The following MTMR2 variants were observed in gnomAD, a reference collection of about 807,000 sequenced individuals.
The protein encoded by MTMR2 is phosphatidylinositol-3,5-bisphosphate 3-phosphatase MTMR2.
MTMR2 carries 55 observed loss-of-function variants against 86.9 expected under a neutral mutation model. That is an observed-to-expected ratio of 0.63 (90% confidence interval 0.51 to 0.79). The LOEUF is 0.79. MTMR2 is among the 30% of genes least tolerant of loss of function. MTMR2 has a pLI of 0.00. For missense variants in MTMR2, 659 were observed against 772.3 expected, an observed-to-expected ratio of 0.85 and a Z score of 1.74; for synonymous variants, 241 against 266.8, an observed-to-expected ratio of 0.90 and a Z score of 0.94.
At chr11:95,879,656 T>C (rs1386773472) in intron 2 of MTMR2, among the ~76,000 whole-genome samples, 3 of 152,156 alleles carry the variant, frequency 2.0e-5, no homozygotes, top group Non-Finnish European at 4.4e-5. Flanking sequence ...GAGCTTATTA[T>C]TCACAATGTT....
intron 1 of MTMR2, among the ~76,000 whole-genome samples, chr11:95,899,533 T>A (rs1319323254): frequency 6.6e-6 from 1 of 151,888 alleles, no homozygotes; most frequent in Non-Finnish European, 1.5e-5. Flanking sequence ...ATAAGTGTGA[T>A]ACAACAATGT....
intron 5 of MTMR2, among the ~76,000 whole-genome samples, chr11:95,859,847 C>G (rs1208708099): frequency 6.6e-6 from 1 of 152,166 alleles, no homozygotes; most frequent in African/African-American, 2.4e-5. Context: ...TGATCCAAAA[C>G]TAGAATGCTG....
Position 95,850,752 on chromosome 11 carries a change from A to G in MTMR2, c.655-3T>C, listed in dbSNP as rs778695254. 2.7e-5 allele frequency: 43 copies of G among 1,599,146 alleles called. No homozygotes were observed. Among genetic ancestry groups the G allele is most frequent in the Non-Finnish European group, 3.5e-5 (41 of 1,168,462 alleles). ...CTCCAGCTTTCATTTGGAATTCCCT[A>G]CATGTGAAATGAAACATAAGACAAA... On this transcript the variant is annotated splice_polypyrimidine_tract_variant and splice_region_variant and intron_variant, in intron 7 of 14. Transcript: ENST00000346299.
chr11:95,907,317 G>A (rs1318784862), intron 1 of MTMR2, among the ~76,000 whole-genome samples: 1 of 152,018 alleles, frequency 6.6e-6, no homozygotes. Flanking sequence ...GAACCAGGAA[G>A]AAAGTGAAAA....
intron 1 of MTMR2, among the ~76,000 whole-genome samples, chr11:95,919,049 C>A (rs1249773372): frequency 6.6e-6 from 1 of 152,110 alleles, no homozygotes; most frequent in East Asian, 1.9e-4. Context: ...GTGACCCTGG[C>A]TGGTCTGGAA....
chr11:95,858,481 C>T lies in MTMR2; in HGVS notation c.570+50G>A, dbSNP rs78173667. ...GACAGCCTAGACAAGTTTCTTTATACGACATCAATAATTATAGCACAAATT... is the reference window on the plus strand; with the variant it reads ...GACAGCCTAGACAAGTTTCTTTATATGACATCAATAATTATAGCACAAATT... On this transcript the variant is annotated intron_variant, in intron 6 of 14. Transcript: ENST00000346299. 4.4e-4 allele frequency: 541 copies of T among 1,240,506 alleles called. 7 individuals carry two copies. Among genetic ancestry groups the T allele is most frequent in the South Asian group, 3.6e-3 (305 of 83,620 alleles). 76.8% of individuals were successfully genotyped at this position (1,240,506 alleles called of 1,614,324 possible). A position where few individuals can be genotyped will look rare whatever the true frequency, so the allele number is the denominator to read the frequency against.
intron 2 of MTMR2, chr11:95,887,472 T>C (rs1163019804): frequency 6.6e-6 from 1 of 152,168 alleles, no homozygotes; most frequent in Admixed American, 6.5e-5. Context: ...ACTACACATA[T>C]AATTCATTTT....
Position 95,835,310 on chromosome 11 carries a change from G to C in MTMR2, c.1912C>G (p.Pro638Ala). The C allele has an allele frequency of 6.2e-7, 1 of 1,612,922 alleles. No homozygotes were observed. Among genetic ancestry groups the C allele is most frequent in the Non-Finnish European group, 8.5e-7 (1 of 1,179,228 alleles). ...GTCCTTTATACAACAGTTTGGACAG[G>C]AGTGACACACTGTGCAGGAGAGCTG... ...RASSPAQCVT[P>A]VQTVV The change falls in exon 15 of 15, where the codon CCT becomes GCT. Residue 638 changes from proline (P) to alanine (A), a missense_variant. By Grantham distance (27) the Pro-to-Ala change is conservative. Coordinates refer to ENST00000346299, the MANE Select transcript of MTMR2 (RefSeq NM_016156.6).
Position 95,838,269 on chromosome 11 carries a change from C to T in MTMR2, c.1480-62G>A, listed in dbSNP as rs944138728. 11 of 885,812 alleles carry T rather than the reference C, an allele frequency of 1.2e-5. No homozygotes were observed. In the Admixed American group the frequency reaches 1.9e-4, roughly 15 times the overall value. The allele number at this position is 885,812 out of a possible 1,614,324, so 54.9% of individuals were successfully genotyped here. ...ATTCTTCAAGCATATTCATCCCTGT[C>T]ATGGGTAGATCCTTTTGAGGTAGTA... On this transcript the variant is annotated intron_variant, in intron 12 of 14. Coordinates refer to ENST00000346299, the MANE Select transcript of MTMR2 (RefSeq NM_016156.6).
chr11:95,914,008 T>C (rs1486808864), intron 1 of MTMR2, among the ~76,000 whole-genome samples: 1 of 152,120 alleles, frequency 6.6e-6, no homozygotes, highest in Non-Finnish European at 1.5e-5. Context: ...AGAACATGGA[T>C]GCCAAAAGAA....
chr11:95,836,366 G>A lies in MTMR2; in HGVS notation c.1594-42C>T, dbSNP rs9919542. ...TAGGTAAAGATTCTCCACCACATAAGCCATTTACACTTTAGATGAAATTTG... is the reference window on the plus strand; with the variant it reads ...TAGGTAAAGATTCTCCACCACATAAACCATTTACACTTTAGATGAAATTTG... On this transcript the variant is annotated intron_variant, in intron 13 of 14. Coordinates refer to ENST00000346299, the MANE Select transcript of MTMR2 (RefSeq NM_016156.6). 0.055 allele frequency: 82,978 copies of A among 1,521,880 alleles called. 6,393 individuals are homozygous for A. The highest frequency in any genetic ancestry group is 0.33 in the African/African-American group (24,202 of 73,334). 94.3% of individuals were successfully genotyped at this position (1,521,880 alleles called of 1,614,324 possible).
intron 7 of MTMR2, among the ~76,000 whole-genome samples, chr11:95,853,183 A>T (rs1187801630): frequency 2.6e-5 from 4 of 151,342 alleles, no homozygotes; most frequent in Non-Finnish European, 4.4e-5. Flanking sequence ...AGTACAGTGA[A>T]TTGGCAAGTT....
At chr11:95,915,039 A>G (rs1866647969) in intron 1 of MTMR2, among the ~76,000 whole-genome samples, 1 of 152,210 alleles carries the variant, frequency 6.6e-6, no homozygotes, top group South Asian at 2.1e-4. Flanking sequence ...TAACATTATT[A>G]TTACTATAAC....
At chr11:95,858,941 C>A (rs1864307679) in intron 5 of MTMR2, among the ~76,000 whole-genome samples, 2 of 152,160 alleles carry the variant, frequency 1.3e-5, no homozygotes, top group African/African-American at 4.8e-5. Context: ...GATATTACAT[C>A]TGAAGATTAA....
intron 1 of MTMR2, among the ~76,000 whole-genome samples, chr11:95,898,835 G>A (rs890694400): frequency 6.6e-6 from 1 of 152,096 alleles, no homozygotes; most frequent in African/African-American, 2.4e-5. Flanking sequence ...AGATTCTAAA[G>A]AGGTTCAATA....
intron 1 of MTMR2, among the ~76,000 whole-genome samples, chr11:95,899,856 T>A (rs1866007910): frequency 6.6e-6 from 1 of 152,008 alleles, no homozygotes; most frequent in African/African-American, 2.4e-5. Context: ...GCAAGAAAGG[T>A]TCAAGCTATG....
chr11:95,874,724 G>T, intron 2 of MTMR2, among the ~76,000 whole-genome samples: 1 of 152,126 alleles, frequency 6.6e-6, no homozygotes, highest in East Asian at 1.9e-4. Context: ...TTTTTGCAGT[G>T]GCTGGTACCA....
chr11:95,898,839 T>C (rs1591035882), intron 1 of MTMR2, among the ~76,000 whole-genome samples: 1 of 151,650 alleles, frequency 6.6e-6, no homozygotes, highest in Non-Finnish European at 1.5e-5. Context: ...TCTAAAGAGG[T>C]TCAATACTCT....
At chr11:95,874,540 CTT>C (rs893578861) in intron 2 of MTMR2, among the ~76,000 whole-genome samples, 87 of 152,246 alleles carry the variant, frequency 5.7e-4, no homozygotes, top group African/African-American at 1.6e-3. Context: ...GGTCTTGACT[CTT>C]TATCCAATTT....
Sources: gnomAD v4.1 joint callset for allele counts (sites outside exome capture counted in the v4.1 genomes callset) on GRCh38, gnomAD v4.1.1 for gene constraint, MANE v1.5 for transcripts, NCBI Gene and HGNC (gene_info 2026-07-23, HGNC 2026-07-21) for gene names.